Variants in AFF4 observed in about 807,000 individuals in gnomAD.
AFF4 encodes the protein ALF transcription elongation factor 4.
Under a neutral mutation model 124.8 loss-of-function variants are expected in AFF4, and 13 were observed. The ratio of observed to expected loss-of-function variants is 0.10; its 90% confidence interval spans 0.07 to 0.17. AFF4 has a LOEUF of 0.17. AFF4 is among the 10% of genes least tolerant of loss of function. AFF4 has a pLI of 1.00. For missense variants in AFF4, 1,092 were observed against 1,403.8 expected (o/e 0.78, Z 3.55); for synonymous variants, 477 against 496.1 (o/e 0.96, Z 0.51).
intron 10 of AFF4, 106 bp downstream of exon 10, chr5:132,898,124 T>C (rs1446049754): frequency 1.4e-6 from 2 of 1,384,122 alleles, no homozygotes; most frequent in African/African-American, 1.4e-5. Flanking sequence ...TGTCAGACTA[T>C]GGAACCTTCT....
intron 5 of AFF4, among the ~76,000 whole-genome samples, chr5:132,924,747 C>G (rs1171537105): frequency 6.6e-6 from 1 of 151,288 alleles, no homozygotes; most frequent in Non-Finnish European, 1.5e-5. Flanking sequence ...CTCAGCTACT[C>G]AAGAAGATGA....
intron 11 of AFF4, among the ~76,000 whole-genome samples, chr5:132,896,099 T>C (rs1200550395): frequency 1.3e-5 from 2 of 152,236 alleles, no homozygotes; most frequent in Non-Finnish European, 2.9e-5. Context: ...CACTGACTCA[T>C]TTCTTATTTC....
chr5:132,894,467 A>G (rs971512607), intron 11 of AFF4, among the ~76,000 whole-genome samples: 1 of 152,214 alleles, frequency 6.6e-6, no homozygotes, highest in Non-Finnish European at 1.5e-5. Flanking sequence ...CTTTTGCTTC[A>G]AATATCAGGG....
chr5:132,954,769 G>A (rs1027165525), intron 1 of AFF4, among the ~76,000 whole-genome samples: 103 of 151,980 alleles, frequency 6.8e-4, no homozygotes, highest in Non-Finnish European at 1.2e-3. Flanking sequence ...GGATGGTCTC[G>A]ATCTCCTGAC....
In AFF4 at chr5:132,932,178, T is replaced by G; in HGVS notation, c.963A>C (p.Lys321Asn). 6.3e-7 allele frequency: 1 copy of G among 1,590,528 alleles called. No homozygotes were observed. The highest frequency in any genetic ancestry group is 1.4e-5 in the African/African-American group (1 of 73,890). Residue 321 changes from lysine to asparagine, a missense_variant and splice_region_variant, in exon 4 of 21, where the codon AAA becomes AAC. This residue lies in a region of AFF4 where 148 missense variants were observed against 196.3 expected (regional missense o/e 0.75). Coordinates refer to ENST00000265343, the MANE Select transcript of AFF4 (RefSeq NM_014423.4). ...AAATGATTTTTTTTAAAAAACTTACTTTTAGGATTTCATCCACACAGCTCA... is the reference window on the plus strand; with the variant it reads ...AAATGATTTTTTTTAAAAAACTTACGTTTAGGATTTCATCCACACAGCTCA... ...GDVSCVDEIL[K>N]EMTHSWPPPL...
chr5:132,900,954 T>G, intron 7 of AFF4: 1 of 985,304 alleles, frequency 1.0e-6, no homozygotes, highest in Non-Finnish European at 1.2e-6. Context: ...CTTTTCCTCC[T>G]CAAAGTTTAA....
Position 132,902,534 on chromosome 5 carries a change from ACT to A in AFF4, c.1088-49_1088-48del, listed in dbSNP as rs779901338. 14 of 1,361,164 alleles carry A rather than the reference ACT, an allele frequency of 1.0e-5. 1 individual carries two copies. The highest frequency in any genetic ancestry group is 2.0e-4 in the Middle Eastern group (1 of 4,884). The allele number at this position is 1,361,164 out of a possible 1,614,324, so 84.3% of individuals were successfully genotyped here. ...GAGCAACTAAAGGATGGCTATTTAG[ACT>A]GTAAAATGTCTATGTAAAATACCCT... On this transcript the variant is annotated intron_variant, in intron 6 of 20. Coordinates refer to ENST00000265343, the MANE Select transcript of AFF4 (RefSeq NM_014423.4).
rs1443290818 is a variant in AFF4, at chr5:132,880,888, G to A, written c.*171C>T. Reference sequence around the variant, plus strand: ...ATCTTTCACATTGGAAATATTAAAGGGCCAACTGACATGATCGCTTTGGAT... The same window carrying A: ...ATCTTTCACATTGGAAATATTAAAGAGCCAACTGACATGATCGCTTTGGAT... On this transcript the variant is annotated 3_prime_UTR_variant, in exon 21 of 21. Coordinates refer to ENST00000265343, the MANE Select transcript of AFF4 (RefSeq NM_014423.4). The A allele has an allele frequency of 3.0e-6, 2 of 659,036 alleles. No individual in the cohort carries two copies. The highest frequency in any genetic ancestry group is 4.7e-6 in the Non-Finnish European group (2 of 428,128). The allele number at this position is 659,036 out of a possible 1,614,324, so 40.8% of individuals were successfully genotyped here.
At chr5:132,885,357 G>GT (rs925703865) in intron 18 of AFF4, among the ~76,000 whole-genome samples, 4 of 151,494 alleles carry the variant, frequency 2.6e-5, no homozygotes, top group African/African-American at 9.7e-5. Context: ...GAAATAATGA[G>GT]TAACACATGG....
At chr5:132,885,799 G>A (rs988570755) in intron 18 of AFF4, among the ~76,000 whole-genome samples, 4 of 152,104 alleles carry the variant, frequency 2.6e-5, no homozygotes, top group African/African-American at 9.7e-5. Context: ...TTGAGACAGA[G>A]TCTCTCTCTC....
intron 13 of AFF4, 132 bp downstream of exon 13, chr5:132,892,032 T>G: frequency 3.1e-6 from 4 of 1,310,456 alleles, no homozygotes; most frequent in Non-Finnish European, 4.3e-6. Context: ...GATTATTACA[T>G]ATAGAGGGTA....
chr5:132,898,498 T>C (rs1477886777), intron 9 of AFF4, 106 bp from the exon 10 acceptor site: 10 of 1,233,252 alleles, frequency 8.1e-6, no homozygotes, highest in Non-Finnish European at 1.1e-5. Flanking sequence ...GTCTTTTTTT[T>C]TTTTAGACGG....
At chr5:132,896,300 A>G in intron 11 of AFF4, 23 bp downstream of exon 11, 1 of 1,547,770 alleles carries the variant, frequency 6.5e-7, no homozygotes, top group South Asian at 1.3e-5. Context: ...TTTCAAAACA[A>G]ACAACAAAAA....
chr5:132,929,727 C>A (rs925713814), intron 4 of AFF4, among the ~76,000 whole-genome samples: 2 of 152,200 alleles, frequency 1.3e-5, no homozygotes, highest in African/African-American at 4.8e-5. Flanking sequence ...TTAGGATTGG[C>A]CTGCGGATAT....
intron 10 of AFF4, 122 bp downstream of exon 10, chr5:132,898,108 T>C: frequency 7.9e-7 from 1 of 1,267,750 alleles, no homozygotes. Flanking sequence ...CAGTACAATT[T>C]CTTTTTGTCA....
chr5:132,890,604 A>T lies in AFF4; in HGVS notation c.2638-1431T>A, dbSNP rs577567152. On this transcript the variant is annotated intron_variant, in intron 13 of 20. Coordinates refer to ENST00000265343, the MANE Select transcript of AFF4 (RefSeq NM_014423.4). Reference sequence around the variant, plus strand: ...TTCTTTAGTTGATAGAATAAAAAATAGCATATTTCCTAACTAAATTACAGA... The same window carrying T: ...TTCTTTAGTTGATAGAATAAAAAATTGCATATTTCCTAACTAAATTACAGA... Among the ~76,000 whole-genome samples, 83 of 152,368 alleles carry T rather than the reference A, an allele frequency of 5.4e-4. 1 individual carries two copies. The highest frequency in any genetic ancestry group is 1.9e-3 in the African/African-American group (80 of 41,586).
intron 5 of AFF4, among the ~76,000 whole-genome samples, chr5:132,914,252 G>A (rs1388472452): frequency 7.0e-6 from 1 of 143,158 alleles, no homozygotes; most frequent in African/African-American, 2.6e-5. Flanking sequence ...AATAAAATAA[G>A]AAAATAAGAA....
chr5:132,950,541 C>A (rs539479463), intron 1 of AFF4, among the ~76,000 whole-genome samples: 5 of 151,632 alleles, frequency 3.3e-5, no homozygotes, highest in African/African-American at 7.3e-5. Context: ...CCTAGCTACT[C>A]GGGAGGCTGA....
chr5:132,908,357 T>A (rs1760716009), intron 5 of AFF4, among the ~76,000 whole-genome samples: 1 of 152,122 alleles, frequency 6.6e-6, no homozygotes, highest in Non-Finnish European at 1.5e-5. Flanking sequence ...GATGGACTTA[T>A]TTTTGATATC....
Sources: gnomAD v4.1 joint callset for allele counts (sites outside exome capture counted in the v4.1 genomes callset) on GRCh38, gnomAD v4.1.1 for gene constraint, gnomAD v4.1.1 regional missense constraint, MANE v1.5 for transcripts, NCBI Gene and HGNC (gene_info 2026-07-23, HGNC 2026-07-21) for gene names.